PTPRK: variants seen among roughly 807,000 people sequenced by gnomAD.
PTPRK encodes the protein receptor-type tyrosine-protein phosphatase kappa.
Under a neutral mutation model 178.0 loss-of-function variants are expected in PTPRK, and 75 were observed. That is an observed-to-expected ratio of 0.42 (90% CI 0.35 to 0.51). The LOEUF (loss-of-function observed/expected upper bound fraction) is 0.51. PTPRK is among the 20% of genes least tolerant of loss of function. The probability of loss-of-function intolerance (pLI) is 0.02; values close to 1 mark genes in which losing one functional copy is unlikely to be tolerated. For synonymous variants in PTPRK, 637 were observed against 620.6 expected, an observed-to-expected ratio of 1.03 and a Z score of -0.39; for missense variants, 1,441 against 1,797.8, an observed-to-expected ratio of 0.80 and a Z score of 3.59.
chr6:128,163,787 C>T (rs1196533272), intron 7 of PTPRK, among the ~76,000 whole-genome samples: 1 of 151,386 alleles, frequency 6.6e-6, no homozygotes, highest in Non-Finnish European at 1.5e-5. Context: ...AAATCATATT[C>T]CAAGCTATCT....
At chr6:128,505,966 T>C (rs1430391791) in intron 1 of PTPRK, among the ~76,000 whole-genome samples, 1 of 152,192 alleles carries the variant, frequency 6.6e-6, no homozygotes, top group African/African-American at 2.4e-5. Context: ...CTCATTGTTT[T>C]GTGAACTAAG....
chr6:128,009,133 T>G lies in PTPRK; in HGVS notation c.2330A>C (p.Lys777Thr). The change falls in exon 14 of 30, where the codon AAG becomes ACG. Residue 777 changes from lysine to threonine, a missense_variant. Around this residue, in one of 4 missense-constraint regions of PTPRK, gnomAD observed 945 missense variants for 1,080.6 expected, o/e 0.87. Coordinates refer to ENST00000368226, the MANE Select transcript of PTPRK (RefSeq NM_002844.4). Reference sequence around the variant, plus strand: ...ACAGGACAATATTAGGCCTTACCTCTTTTTTACAATTAATATGACAACTAG... The same window carrying G: ...ACAGGACAATATTAGGCCTTACCTCGTTTTTACAATTAATATGACAACTAG... ...LLLVVILIVK[K>T]SKLAKKRKDA... The G allele has an allele frequency of 6.2e-7, 1 of 1,607,874 alleles. No individual in the cohort carries two copies. Among genetic ancestry groups the G allele is most frequent in the Non-Finnish European group, 8.5e-7 (1 of 1,175,820 alleles).
At chr6:128,017,634 C>T (rs1779721922) in intron 13 of PTPRK, among the ~76,000 whole-genome samples, 2 of 150,524 alleles carry the variant, frequency 1.3e-5, no homozygotes, top group Middle Eastern at 3.5e-3. Context: ...GTTTTAGCAT[C>T]CCCCTTCAGG....
chr6:128,370,257 C>G (rs1287114589), intron 2 of PTPRK, among the ~76,000 whole-genome samples: 4 of 152,120 alleles, frequency 2.6e-5, no homozygotes, highest in Non-Finnish European at 5.9e-5. Flanking sequence ...TCATCATCCA[C>G]CAGGGCATCC....
intron 3 of PTPRK, among the ~76,000 whole-genome samples, chr6:128,305,933 C>G (rs1283645346): frequency 6.6e-6 from 1 of 152,188 alleles, no homozygotes; most frequent in Non-Finnish European, 1.5e-5. Flanking sequence ...ATACGTGAGA[C>G]TGGGTAATTT....
chr6:128,363,012 A>G (rs1295828831), intron 2 of PTPRK, among the ~76,000 whole-genome samples: 2 of 152,182 alleles, frequency 1.3e-5, no homozygotes, highest in African/African-American at 4.8e-5. Flanking sequence ...AAGAAAAAGA[A>G]TCACTGGGAA....
chr6:128,286,123 G>A (rs1822467214), intron 3 of PTPRK, among the ~76,000 whole-genome samples: 2 of 152,074 alleles, frequency 1.3e-5, no homozygotes, highest in African/African-American at 4.8e-5. Flanking sequence ...GCAGCCAGTG[G>A]TGATCCTGTC....
chr6:128,354,713 T>C (rs554600764), intron 2 of PTPRK, among the ~76,000 whole-genome samples: 2 of 152,368 alleles, frequency 1.3e-5, no homozygotes, highest in East Asian at 1.9e-4. Flanking sequence ...CCAATTCTTA[T>C]GACAGTATGA....
intron 13 of PTPRK, among the ~76,000 whole-genome samples, chr6:128,052,937 A>G (rs867870697): frequency 1.3e-5 from 2 of 152,206 alleles, no homozygotes; most frequent in African/African-American, 4.8e-5. Context: ...CTATGCCCTC[A>G]TTATTTTTTT....
chr6:128,052,444 C>A (rs1779174294), intron 13 of PTPRK, among the ~76,000 whole-genome samples: 1 of 152,154 alleles, frequency 6.6e-6, no homozygotes, highest in Non-Finnish European at 1.5e-5. Context: ...CCTGCGCAGT[C>A]CAGCCTTCCC....
intron 13 of PTPRK, among the ~76,000 whole-genome samples, chr6:128,042,578 G>C (rs2179694): frequency 0.11 from 16,870 of 151,964 alleles, 1,266 homozygotes; most frequent in Non-Finnish European, 0.16. Context: ...TACCTCACAT[G>C]TATCAGCACT....
intron 3 of PTPRK, among the ~76,000 whole-genome samples, chr6:128,276,504 G>A (rs1820746580): frequency 6.6e-6 from 1 of 152,084 alleles, no homozygotes; most frequent in Non-Finnish European, 1.5e-5. Flanking sequence ...CCATCAATTA[G>A]AGCCAGAAAT....
At chr6:128,269,549 C>T (rs1174209347) in intron 3 of PTPRK, among the ~76,000 whole-genome samples, 1 of 151,178 alleles carries the variant, frequency 6.6e-6, no homozygotes, top group East Asian at 1.9e-4. Flanking sequence ...ATTAGAGAGG[C>T]AAAAGATTTT....
At position 127,995,219 on chromosome 6, in the gene PTPRK, G is replaced by T. The variant is rs542365925; in HGVS notation, c.2844+243C>A. On this transcript the variant is annotated intron_variant, in intron 18 of 29. Transcript: ENST00000368226. Reference sequence around the variant, plus strand: ...TAAGAATGTTTGTATTTATAATAGGGTGCTGTTATTTACATATAGTGGTAC... The same window carrying T: ...TAAGAATGTTTGTATTTATAATAGGTTGCTGTTATTTACATATAGTGGTAC... 7.0e-6 allele frequency: 11 copies of T among 1,567,590 alleles called. No homozygotes were observed. The African/African-American group carries it at 1.2e-4, about 17-fold the overall frequency.
chr6:128,026,485 G>T (rs1043381491), intron 13 of PTPRK, among the ~76,000 whole-genome samples: 21 of 152,032 alleles, frequency 1.4e-4, no homozygotes, highest in Admixed American at 5.9e-4. Context: ...TGCTTTTTTT[G>T]AGACCCACTT....
intron 2 of PTPRK, among the ~76,000 whole-genome samples, chr6:128,357,727 A>C (rs950597798): frequency 5.3e-5 from 8 of 152,264 alleles, no homozygotes; most frequent in African/African-American, 1.9e-4. Flanking sequence ...AATGATAGAA[A>C]TATGAAAGCT....
intron 5 of PTPRK, among the ~76,000 whole-genome samples, chr6:128,237,554 A>G (rs748093969): frequency 5.3e-5 from 8 of 152,240 alleles, no homozygotes; most frequent in Non-Finnish European, 8.8e-5. Flanking sequence ...GACCTAGTTT[A>G]GCATCTTACA....
chr6:128,173,251 C>T (rs1800568062), intron 7 of PTPRK, among the ~76,000 whole-genome samples: 1 of 151,948 alleles, frequency 6.6e-6, no homozygotes, highest in Non-Finnish European at 1.5e-5. Context: ...CTTGTGAACA[C>T]AAAACAATCT....
intron 5 of PTPRK, among the ~76,000 whole-genome samples, chr6:128,227,369 T>C (rs1359110323): frequency 1.3e-5 from 2 of 152,118 alleles, no homozygotes; most frequent in Non-Finnish European, 2.9e-5. Context: ...AGTAGCGTAG[T>C]TTTTTAATCT....
Sources: gnomAD v4.1 joint callset for allele counts (sites outside exome capture counted in the v4.1 genomes callset) on GRCh38, gnomAD v4.1.1 for gene constraint, gnomAD v4.1.1 regional missense constraint, MANE v1.5 for transcripts, NCBI Gene and HGNC (gene_info 2026-07-23, HGNC 2026-07-21) for gene names.